Variants in CYP2C19 observed in about 807,000 individuals in gnomAD.
CYP2C19 encodes cytochrome P450 2C19.
A neutral mutation model predicts 40.9 loss-of-function variants in CYP2C19; 59 were observed. The observed-to-expected ratio is 1.44, with a 90% confidence interval of 1.17 to 1.79. CYP2C19 has a LOEUF of 1.79. CYP2C19 is among the 40% of genes most tolerant of loss of function. The pLI is 0.00. For missense variants in CYP2C19, 754 were observed against 596.9 expected (o/e 1.26, Z -2.74); for synonymous variants, 253 against 208.7 (o/e 1.21, Z -1.83).
chr10:94,838,729 G>A (rs1462751160), intron 6 of CYP2C19, among the ~76,000 whole-genome samples: 1 of 152,038 alleles, frequency 6.6e-6, no homozygotes, highest in Admixed American at 6.5e-5. Flanking sequence ...TTCCTGTAGG[G>A]CATAAATCAC....
chr10:94,823,084 G>C (rs560127675), intron 6 of CYP2C19, among the ~76,000 whole-genome samples: 8 of 152,230 alleles, frequency 5.3e-5, no homozygotes, highest in Non-Finnish European at 1.0e-4. Context: ...TCAGTACAGA[G>C]AGGATAAACT....
At chr10:94,849,465 C>T (rs954731654) in intron 7 of CYP2C19, among the ~76,000 whole-genome samples, 2 of 151,414 alleles carry the variant, frequency 1.3e-5, no homozygotes, top group Non-Finnish European at 2.9e-5. Context: ...TCCTATAGGA[C>T]TTTGGGATTT....
chr10:94,828,759 C>T lies in CYP2C19; in HGVS notation c.961+8122C>T, dbSNP rs1356228811. Among the ~76,000 whole-genome samples the T allele has an allele frequency of 2.8e-3, 423 of 151,612 alleles. 4 individuals are homozygous for T. The highest frequency in any genetic ancestry group is 6.8e-3 in the Middle Eastern group (2 of 294). ...AGTTGATGCAGTTTCTTCCTAGACTCGATGGTCTTTACATTTTGGCATGAT... is the reference window on the plus strand; with the variant it reads ...AGTTGATGCAGTTTCTTCCTAGACTTGATGGTCTTTACATTTTGGCATGAT... On this transcript the variant is annotated intron_variant, in intron 6 of 8. Coordinates refer to ENST00000371321, the MANE Select transcript of CYP2C19 (RefSeq NM_000769.4).
chr10:94,770,456 G>A (rs909916175), intron 1 of CYP2C19, among the ~76,000 whole-genome samples: 1 of 152,066 alleles, frequency 6.6e-6, no homozygotes, highest in South Asian at 2.1e-4. Flanking sequence ...CATGACTAAG[G>A]CTGTGACCTT....
intron 6 of CYP2C19, among the ~76,000 whole-genome samples, chr10:94,828,050 C>G (rs1229353773): frequency 6.6e-6 from 1 of 151,966 alleles, no homozygotes; most frequent in East Asian, 1.9e-4. Context: ...AATTTCTGTT[C>G]TTTTACATTT....
At chr10:94,849,144 C>G (rs1052583503) in intron 7 of CYP2C19, among the ~76,000 whole-genome samples, 1 of 152,090 alleles carries the variant, frequency 6.6e-6, no homozygotes, top group African/African-American at 2.4e-5. Context: ...GAGAACATCC[C>G]TGTCTTGTGC....
At chr10:94,763,635 A>T (rs1418288718) in intron 1 of CYP2C19, among the ~76,000 whole-genome samples, 1 of 152,036 alleles carries the variant, frequency 6.6e-6, no homozygotes, top group Non-Finnish European at 1.5e-5. Context: ...TGATCAGATC[A>T]AGAGAATGAG....
At chr10:94,800,423 T>C (rs938168203) in intron 5 of CYP2C19, among the ~76,000 whole-genome samples, 1 of 152,212 alleles carries the variant, frequency 6.6e-6, no homozygotes, top group African/African-American at 2.4e-5. Flanking sequence ...CCCACGTGTA[T>C]GAGGTGTCTG....
At chr10:94,793,021 A>T (rs1471324470) in intron 5 of CYP2C19, among the ~76,000 whole-genome samples, 2 of 152,118 alleles carry the variant, frequency 1.3e-5, no homozygotes, top group South Asian at 4.1e-4. Context: ...CTTTTCACAT[A>T]GTCAAATATT....
intron 5 of CYP2C19, among the ~76,000 whole-genome samples, chr10:94,795,848 G>GT (rs200069419): frequency 4.4e-4 from 66 of 151,444 alleles, no homozygotes; most frequent in East Asian, 1.4e-3. Flanking sequence ...CTTTGATGGG[G>GT]TTTTTTTTCT....
chr10:94,839,356 A>G (rs920046551), intron 6 of CYP2C19, among the ~76,000 whole-genome samples: 2 of 151,744 alleles, frequency 1.3e-5, no homozygotes, highest in Admixed American at 1.3e-4. Context: ...CGGATTACTT[A>G]TGCTTACCGA....
chr10:94,773,338 G>T (rs1207725969), intron 1 of CYP2C19, among the ~76,000 whole-genome samples: 1 of 152,168 alleles, frequency 6.6e-6, no homozygotes, highest in Non-Finnish European at 1.5e-5. Context: ...TCTGGAGTTT[G>T]TTCCTTCAGA....
chr10:94,845,151 G>A (rs1849553478), intron 7 of CYP2C19, among the ~76,000 whole-genome samples: 1 of 152,164 alleles, frequency 6.6e-6, no homozygotes, highest in South Asian at 2.1e-4. Context: ...ACTTATCTAG[G>A]TGGAGATAAT....
intron 5 of CYP2C19, among the ~76,000 whole-genome samples, chr10:94,814,499 G>A (rs566318299): frequency 7.3e-5 from 11 of 151,164 alleles, no homozygotes; most frequent in East Asian, 6.0e-4. Context: ...TGCAGGTGAC[G>A]AAGAGTGGGT....
At chr10:94,822,918 T>A (rs1849151962) in intron 6 of CYP2C19, among the ~76,000 whole-genome samples, 1 of 135,868 alleles carries the variant, frequency 7.4e-6, no homozygotes, top group Non-Finnish European at 1.7e-5. Flanking sequence ...CCATTTCTAA[T>A]TTTTTTTTTG....
chr10:94,788,668 G>T (rs1268912853), intron 5 of CYP2C19, among the ~76,000 whole-genome samples: 1 of 152,162 alleles, frequency 6.6e-6, no homozygotes, highest in African/African-American at 2.4e-5. Flanking sequence ...TCCCTGCAAA[G>T]TATGTGAACT....
At chr10:94,785,017 C>T (rs990448938) in intron 5 of CYP2C19, among the ~76,000 whole-genome samples, 1 of 151,982 alleles carries the variant, frequency 6.6e-6, no homozygotes, top group African/African-American at 2.4e-5. Context: ...AATTAAGTTG[C>T]CTTTATTTTT....
At chr10:94,791,227 T>A (rs1211706531) in intron 5 of CYP2C19, among the ~76,000 whole-genome samples, 1 of 152,148 alleles carries the variant, frequency 6.6e-6, no homozygotes, top group Admixed American at 6.5e-5. Flanking sequence ...CCTTTATCAT[T>A]TTTTATTGTG....
chr10:94,785,219 TG>T (rs1848526219), intron 5 of CYP2C19, among the ~76,000 whole-genome samples: 1 of 152,156 alleles, frequency 6.6e-6, no homozygotes, highest in South Asian at 2.1e-4. Context: ...ATCAAATTTA[TG>T]AACCTATTGC....
Sources: gnomAD v4.1 joint callset for allele counts (sites outside exome capture counted in the v4.1 genomes callset) on GRCh38, gnomAD v4.1.1 for gene constraint, MANE v1.5 for transcripts, NCBI Gene and HGNC (gene_info 2026-07-23, HGNC 2026-07-21) for gene names.